The following ZBTB20 variants were observed in gnomAD, a reference collection of about 807,000 sequenced individuals.
The protein encoded by ZBTB20 is zinc finger and BTB domain containing 20.
A neutral mutation model predicts 56.9 loss-of-function variants in ZBTB20; 9 were observed. That is an observed-to-expected ratio of 0.16 (90% CI 0.10 to 0.28). The LOEUF (loss-of-function observed/expected upper bound fraction) is 0.28. ZBTB20 is among the 10% of genes least tolerant of loss of function. ZBTB20 has a pLI of 1.00. For synonymous variants in ZBTB20, 417 were observed against 420.7 expected (o/e 0.99, Z 0.11); for missense variants, 655 against 1,003.0 (o/e 0.65, Z 4.69).
chr3:114,788,847 T>C (rs995553559), intron 5 of ZBTB20, among the ~76,000 whole-genome samples: 1 of 151,864 alleles, frequency 6.6e-6, no homozygotes, highest in Non-Finnish European at 1.5e-5. Flanking sequence ...TGGCAGAAAG[T>C]GAAGGAGGAG....
At chr3:114,491,768 C>G (rs900495331) in intron 7 of ZBTB20, among the ~76,000 whole-genome samples, 6 of 152,136 alleles carry the variant, frequency 3.9e-5, no homozygotes, top group African/African-American at 9.7e-5. Context: ...CACTTCCCCC[C>G]TCAAGATATT....
intron 8 of ZBTB20, among the ~76,000 whole-genome samples, chr3:114,386,477 T>C (rs2085141871): frequency 6.6e-6 from 1 of 152,112 alleles, no homozygotes; most frequent in Non-Finnish European, 1.5e-5. Flanking sequence ...CTAGCAATAG[T>C]AGAGACTGCC....
chr3:115,104,088 G>A (rs186687421), intron 1 of ZBTB20, among the ~76,000 whole-genome samples: 102 of 152,290 alleles, frequency 6.7e-4, no homozygotes, highest in South Asian at 2.3e-3. Context: ...GCAAATAAGC[G>A]TATGAAAGGG....
intron 6 of ZBTB20, among the ~76,000 whole-genome samples, chr3:114,642,998 T>G (rs1477310791): frequency 6.6e-6 from 1 of 152,098 alleles, no homozygotes. Context: ...AATTAGACTT[T>G]AGTTGACTTA....
intron 1 of ZBTB20, among the ~76,000 whole-genome samples, chr3:115,136,717 A>G (rs2084661672): frequency 6.6e-6 from 1 of 152,130 alleles, no homozygotes; most frequent in Admixed American, 6.6e-5. Flanking sequence ...CTTAACAACA[A>G]ATGTTGAGAC....
intron 7 of ZBTB20, among the ~76,000 whole-genome samples, chr3:114,432,999 A>G (rs2090231404): frequency 6.6e-6 from 1 of 152,142 alleles, no homozygotes; most frequent in African/African-American, 2.4e-5. Flanking sequence ...GGTGTACAAA[A>G]CCATTTGGTG....
intron 5 of ZBTB20, among the ~76,000 whole-genome samples, chr3:114,792,410 C>T (rs1050779495): frequency 6.6e-6 from 1 of 152,122 alleles, no homozygotes; most frequent in Admixed American, 6.6e-5. Flanking sequence ...TAGAAGATTT[C>T]AATGGACTGC....
At chr3:114,898,777 A>G (rs1223164131) in intron 4 of ZBTB20, among the ~76,000 whole-genome samples, 1 of 152,150 alleles carries the variant, frequency 6.6e-6, no homozygotes, top group African/African-American at 2.4e-5. Flanking sequence ...AATAAAAGGA[A>G]AAGACACACC....
intron 5 of ZBTB20, among the ~76,000 whole-genome samples, chr3:114,706,895 C>T (rs2063751304): frequency 6.6e-6 from 1 of 151,874 alleles, no homozygotes. Context: ...AAGAACAAAC[C>T]ATACAGTATT....
chr3:115,054,277 C>T lies in ZBTB20; in HGVS notation c.-507+16942G>A, dbSNP rs77515806. 6.9e-3 allele frequency among the ~76,000 whole-genome samples: 1,045 copies of T among 152,208 alleles called. 13 individuals carry two copies. Among genetic ancestry groups the T allele is most frequent in the African/African-American group, 0.024 (995 of 41,574 alleles). On this transcript the variant is annotated intron_variant, in intron 2 of 11. Coordinates refer to ENST00000675478, the MANE Select transcript of ZBTB20 (RefSeq NM_001348800.3). ...TTTCAACTTTCAACATAGGTTGTTCCTTTTCATTTGTATTTCCAGGAAAGC... is the reference window on the plus strand; with the variant it reads ...TTTCAACTTTCAACATAGGTTGTTCTTTTTCATTTGTATTTCCAGGAAAGC...
chr3:114,584,956 C>G (rs144897993), intron 6 of ZBTB20, among the ~76,000 whole-genome samples: 2 of 152,208 alleles, frequency 1.3e-5, no homozygotes, highest in East Asian at 3.9e-4. Flanking sequence ...AGGCCAAAGT[C>G]TTAGGGCAAA....
intron 1 of ZBTB20, among the ~76,000 whole-genome samples, chr3:115,118,703 A>AT (rs35607205): frequency 0.087 from 7,184 of 82,276 alleles, 1,194 homozygotes; most frequent in Non-Finnish European, 0.11. Context: ...CCTGGTACAA[A>AT]TTTTTTTTTT....
At chr3:114,471,458 A>G (rs1338347243) in intron 7 of ZBTB20, among the ~76,000 whole-genome samples, 1 of 152,226 alleles carries the variant, frequency 6.6e-6, no homozygotes, top group Non-Finnish European at 1.5e-5. Context: ...TGATAAATAC[A>G]AGATGCAGCC....
chr3:114,859,669 T>C (rs9847414), intron 4 of ZBTB20, among the ~76,000 whole-genome samples: 113,511 of 149,968 alleles, frequency 0.76, 47,026 homozygotes, highest in East Asian at 0.99. Flanking sequence ...CACTGCAATA[T>C]ATAGCATGCT....
chr3:114,891,434 T>C (rs1359951626), intron 4 of ZBTB20, among the ~76,000 whole-genome samples: 1 of 152,242 alleles, frequency 6.6e-6, no homozygotes, highest in Admixed American at 6.5e-5. Flanking sequence ...TACTTCTCTA[T>C]GCTCACAGCA....
chr3:114,696,498 G>T (rs562039214), intron 5 of ZBTB20, among the ~76,000 whole-genome samples: 1 of 151,968 alleles, frequency 6.6e-6, no homozygotes, highest in African/African-American at 2.4e-5. Flanking sequence ...TCTTCTAAGA[G>T]ATGCCTAACA....
chr3:114,626,832 C>T (rs1002274052), intron 6 of ZBTB20, among the ~76,000 whole-genome samples: 6 of 152,124 alleles, frequency 3.9e-5, no homozygotes, highest in African/African-American at 1.4e-4. Context: ...AAGGGGAAAA[C>T]GTAGTCCAGT....
chr3:114,390,703 T>A (rs1391838067), intron 7 of ZBTB20, among the ~76,000 whole-genome samples: 1 of 152,214 alleles, frequency 6.6e-6, no homozygotes, highest in African/African-American at 2.4e-5. Flanking sequence ...CACACCCACA[T>A]TCTAAATAAC....
At chr3:114,977,443 T>C (rs1030005799) in intron 2 of ZBTB20, among the ~76,000 whole-genome samples, 1 of 152,170 alleles carries the variant, frequency 6.6e-6, no homozygotes, top group African/African-American at 2.4e-5. Context: ...ACAAGGTAGG[T>C]TCTTTCCAAA....
Sources: allele counts gnomAD v4.1 joint callset (sites outside exome capture counted in the v4.1 genomes callset), GRCh38; gene constraint gnomAD v4.1.1; transcripts MANE v1.5; gene names NCBI Gene and HGNC (gene_info 2026-07-23, HGNC 2026-07-21).